Variants in RUBCNL observed in about 807,000 individuals in gnomAD.
The protein encoded by RUBCNL is rubicon like autophagy enhancer.
A neutral mutation model predicts 69.5 loss-of-function variants in RUBCNL; 62 were observed. The observed-to-expected ratio is 0.89, with a 90% CI of 0.73 to 1.10. The LOEUF is 1.10. Ranked by LOEUF, RUBCNL falls within the 50% of genes least tolerant of loss-of-function variation. RUBCNL has a pLI of 0.00. For synonymous variants in RUBCNL, 291 were observed against 303.6 expected, an observed-to-expected ratio of 0.96 and a Z score of 0.43; for missense variants, 768 against 798.1, an observed-to-expected ratio of 0.96 and a Z score of 0.45.
At position 46,372,588 on chromosome 13, in the gene RUBCNL, G is replaced by C; in HGVS notation, c.-113C>G. Reference sequence around the variant, plus strand: ...CACCACATGGCCAGCTGGGGGTCTGGAGAGCTATTCTGCAATGAGCAAGGA... The same window carrying C: ...CACCACATGGCCAGCTGGGGGTCTGCAGAGCTATTCTGCAATGAGCAAGGA... On this transcript the variant is annotated 5_prime_UTR_variant, in exon 3 of 15. Coordinates refer to ENST00000429979, the MANE Select transcript of RUBCNL (RefSeq NM_025113.5). 1 of 1,466,568 alleles carries C rather than the reference G, an allele frequency of 6.8e-7. No homozygotes were observed. The highest frequency in any genetic ancestry group is 9.0e-7 in the Non-Finnish European group (1 of 1,108,520). 90.8% of individuals were successfully genotyped at this position (1,466,568 alleles called of 1,614,324 possible). A position where few individuals can be genotyped will look rare whatever the true frequency, so the allele number is the denominator to read the frequency against.
intron 5 of RUBCNL, among the ~76,000 whole-genome samples, chr13:46,367,816 T>C (rs967795102): frequency 3.3e-5 from 5 of 152,078 alleles, no homozygotes; most frequent in African/African-American, 1.2e-4. Context: ...GAATCATCCT[T>C]TGTCCAGCAT....
chr13:46,345,739 A>G (rs1029519234), intron 12 of RUBCNL, 139 bp from the exon 13 acceptor site: 27 of 832,072 alleles, frequency 3.2e-5, no homozygotes, highest in Non-Finnish European at 4.7e-5. Context: ...CTCCAAGAAC[A>G]ACAGTGAACC....
In RUBCNL at chr13:46,363,158, C is replaced by A; in HGVS notation, c.882G>T (p.Val294=). 6.2e-7 allele frequency: 1 copy of A among 1,602,292 alleles called. No homozygotes were observed. Among genetic ancestry groups the A allele is most frequent in the South Asian group, 1.1e-5 (1 of 89,732 alleles). Residue 294 remains valine, a synonymous_variant, in exon 6 of 15, where the codon GTG becomes GTT. Transcript: ENST00000429979. The part of the protein sequence containing the change: ...PVTETRTYHD[V]KEICKCDVDE... ...CAACATCGCATTTGCAAATCTCTTT[C>A]ACATCATGGTAAGTACGTGTTTCAG...
Position 46,342,483 on chromosome 13 carries a change from T to C in RUBCNL, c.*902A>G, listed in dbSNP as rs1029024154. The C allele has an allele frequency of 1.2e-4, 18 of 152,208 alleles. No homozygotes were observed. Among genetic ancestry groups the C allele is most frequent in the African/African-American group, 2.4e-4 (10 of 41,454 alleles). 9.4% of individuals were successfully genotyped at this position (152,208 alleles called of 1,614,324 possible). A position where few individuals can be genotyped will look rare whatever the true frequency, so the allele number is the denominator to read the frequency against. On this transcript the variant is annotated 3_prime_UTR_variant, in exon 15 of 15. Transcript: ENST00000429979. ...TTTCAGGAAAACATATAAGAACTAT[T>C]AGAAAAAAGAAATTCATAAAGGTTT...
At chr13:46,353,494 A>G (rs1172722041) in intron 10 of RUBCNL, among the ~76,000 whole-genome samples, 7 of 152,222 alleles carry the variant, frequency 4.6e-5, no homozygotes, top group Non-Finnish European at 1.0e-4. Flanking sequence ...AAAACAGAAT[A>G]CAAAGTGACC....
chr13:46,355,294 CTTT>C (rs34432929), intron 10 of RUBCNL, among the ~76,000 whole-genome samples: 15 of 126,434 alleles, frequency 1.2e-4, no homozygotes, highest in Admixed American at 2.4e-4. Flanking sequence ...AAAGCCCGAG[CTTT>C]TTTTTTTTTT....
intron 2 of RUBCNL, among the ~76,000 whole-genome samples, chr13:46,377,471 C>G (rs2049020009): frequency 6.6e-6 from 1 of 152,164 alleles, no homozygotes; most frequent in Non-Finnish European, 1.5e-5. Flanking sequence ...ACCATGTTGG[C>G]CAGGTTGGTC....
chr13:46,371,642 C>T (rs903041390), intron 3 of RUBCNL, among the ~76,000 whole-genome samples: 4 of 152,364 alleles, frequency 2.6e-5, no homozygotes, highest in South Asian at 2.1e-4. Flanking sequence ...GCTTCCGATG[C>T]TCTCCCCTGT....
intron 4 of RUBCNL, chr13:46,368,524 C>A (rs1158622884): frequency 3.0e-6 from 3 of 983,950 alleles, no homozygotes; most frequent in Admixed American, 6.2e-5. Flanking sequence ...AGACATCATT[C>A]ATCAATCACA....
chr13:46,359,364 A>G, intron 9 of RUBCNL, 122 bp downstream of exon 9: 1 of 832,058 alleles, frequency 1.2e-6, no homozygotes, highest in Non-Finnish European at 1.7e-6. Context: ...CCTTTCCCTA[A>G]AACAAATTTT....
intron 1 of RUBCNL, among the ~76,000 whole-genome samples, chr13:46,385,873 C>A (rs1266451562): frequency 6.6e-6 from 1 of 152,152 alleles, no homozygotes; most frequent in East Asian, 1.9e-4. Context: ...CTACCATCTC[C>A]CACTTTGTAA....
At chr13:46,349,821 C>T (rs1052741756) in intron 11 of RUBCNL, among the ~76,000 whole-genome samples, 4 of 151,818 alleles carry the variant, frequency 2.6e-5, no homozygotes, top group African/African-American at 4.8e-5. Flanking sequence ...GGATTACAGG[C>T]GTGTGCTACT....
At chr13:46,359,418 G>C in intron 9 of RUBCNL, 68 bp downstream of exon 9, 6 of 1,345,268 alleles carry the variant, frequency 4.5e-6, no homozygotes, top group Non-Finnish European at 6.0e-6. Flanking sequence ...TACTGCCATA[G>C]AGTCAGGTGG....
chr13:46,380,869 T>G (rs2049102588), intron 1 of RUBCNL, among the ~76,000 whole-genome samples: 2 of 152,144 alleles, frequency 1.3e-5, no homozygotes, highest in South Asian at 4.1e-4. Context: ...ACATTCTACC[T>G]AAAAACTTTA....
chr13:46,364,752 A>G (rs1312451068), intron 5 of RUBCNL, among the ~76,000 whole-genome samples: 1 of 151,194 alleles, frequency 6.6e-6, no homozygotes. Context: ...AGTAATACCA[A>G]CCCACCTCAT....
At chr13:46,344,930 A>G (rs901704231) in intron 13 of RUBCNL, 99 bp from the exon 14 acceptor site, 14 of 749,272 alleles carry the variant, frequency 1.9e-5, no homozygotes, top group Middle Eastern at 2.4e-4. Flanking sequence ...TTCAGTGTCT[A>G]TGATTCCAGC....
intron 14 of RUBCNL, among the ~76,000 whole-genome samples, chr13:46,344,302 G>A (rs1260550437): frequency 6.6e-6 from 1 of 152,186 alleles, no homozygotes; most frequent in African/African-American, 2.4e-5. Context: ...TACCACAGAA[G>A]GGTCGGCAAC....
intron 10 of RUBCNL, among the ~76,000 whole-genome samples, chr13:46,351,806 G>A (rs1455181796): frequency 1.3e-5 from 2 of 150,084 alleles, no homozygotes; most frequent in Admixed American, 1.3e-4. Context: ...GTAGGAGAAA[G>A]AAGGAATTTT....
rs1202311203 is a variant in RUBCNL, at chr13:46,338,171, G to A, written c.*5214C>T. Reference sequence around the variant, plus strand: ...GAGCCCATGCAAGAGTACAAATACAGGTCCACATGCCATATATCCAAGTAT... The same window carrying A: ...GAGCCCATGCAAGAGTACAAATACAAGTCCACATGCCATATATCCAAGTAT... On this transcript the variant is annotated 3_prime_UTR_variant, in exon 15 of 15. Coordinates refer to ENST00000429979, the MANE Select transcript of RUBCNL (RefSeq NM_025113.5). 1.3e-5 allele frequency among the ~76,000 whole-genome samples: 2 copies of A among 152,196 alleles called. No individual in the cohort carries two copies. Among genetic ancestry groups the A allele is most frequent in the Non-Finnish European group, 2.9e-5 (2 of 68,020 alleles).
Sources: allele counts gnomAD v4.1 joint callset (sites outside exome capture counted in the v4.1 genomes callset), GRCh38; gene constraint gnomAD v4.1.1; transcripts MANE v1.5; gene names NCBI Gene and HGNC (gene_info 2026-07-23, HGNC 2026-07-21).